Variants in TSPEAR observed in about 807,000 individuals in gnomAD.
TSPEAR encodes thrombospondin type laminin G domain and EAR repeats.
TSPEAR carries 69 observed loss-of-function variants against 71.6 expected under a neutral mutation model. That is an observed-to-expected ratio of 0.96 (90% CI 0.79 to 1.18). TSPEAR has a LOEUF of 1.18. TSPEAR is among the 50% of genes most tolerant of loss of function. The probability of loss-of-function intolerance (pLI) is 0.00; values close to 1 mark genes in which losing one functional copy is unlikely to be tolerated. For missense variants in TSPEAR, 971 were observed against 894.9 expected (o/e 1.09, Z -1.09); for synonymous variants, 402 against 387.2 (o/e 1.04, Z -0.45).
At chr21:44,616,958 A>G (rs1433623997) in intron 1 of TSPEAR, among the ~76,000 whole-genome samples, 1 of 152,214 alleles carries the variant, frequency 6.6e-6, no homozygotes, top group Non-Finnish European at 1.5e-5. Flanking sequence ...GCCACAGCCT[A>G]GACACCCACC....
intron 9 of TSPEAR, among the ~76,000 whole-genome samples, chr21:44,512,013 G>C (rs1323200187): frequency 2.0e-5 from 3 of 152,206 alleles, no homozygotes; most frequent in Non-Finnish European, 2.9e-5. Flanking sequence ...TGGGGGCACA[G>C]AGGAAGAGGG....
intron 2 of TSPEAR, chr21:44,558,162 T>A: frequency 6.2e-7 from 1 of 1,609,718 alleles, no homozygotes; most frequent in Non-Finnish European, 8.5e-7. Context: ...GCAGCTGGGC[T>A]GGCAGGTGGA....
chr21:44,522,486 C>T lies in TSPEAR; in HGVS notation c.1337-374G>A, dbSNP rs587676637. Among the ~76,000 whole-genome samples the T allele has an allele frequency of 2.9e-4, 44 of 152,336 alleles. 1 individual carries two copies. Among genetic ancestry groups the T allele is most frequent in the African/African-American group, 9.6e-4 (40 of 41,580 alleles). On this transcript the variant is annotated intron_variant, in intron 8 of 11. Coordinates refer to ENST00000323084, the MANE Select transcript of TSPEAR (RefSeq NM_144991.3). Reference sequence around the variant, plus strand: ...CTTCCCACGCACTGCCACCTCTGCCCGGAGGCCCCTCCCTCTCAACTGTGG... The same window carrying T: ...CTTCCCACGCACTGCCACCTCTGCCTGGAGGCCCCTCCCTCTCAACTGTGG...
At chr21:44,578,245 CAAAT>C (rs143475476) in intron 1 of TSPEAR, among the ~76,000 whole-genome samples, 2,671 of 152,068 alleles carry the variant, frequency 0.018, 72 homozygotes, top group African/African-American at 0.06. Context: ...GGAAACCAAA[CAAAT>C]AATGCAAACA....
chr21:44,499,910 G>A lies in TSPEAR; in HGVS notation c.1883C>T (p.Ala628Val), dbSNP rs781833267. Residue 628 changes from alanine to valine, a missense_variant, in exon 12 of 12, where the codon GCG (alanine) becomes GTG (valine). Ala to Val is a moderately conservative substitution (Grantham distance 64, BLOSUM62 0). Transcript: ENST00000323084. ...YRWQGYEGFV[A>V]VHSLPTVGCR... ...GCCGACGGTGGGGAGGCTGTGCACC[G>A]CCACGAAGCCCTCGTAGCCCTGCCA... 34 of 1,607,582 alleles carry A rather than the reference G, an allele frequency of 2.1e-5. No individual in the cohort carries two copies. The highest frequency in any genetic ancestry group is 4.5e-5 in the East Asian group (2 of 44,458).
rs143770464 is a variant in TSPEAR, at chr21:44,562,435, C to T, written c.303+5350G>A. 2.1e-4 allele frequency among the ~76,000 whole-genome samples: 32 copies of T among 152,272 alleles called. 3 individuals are homozygous for T. In the East Asian group the frequency reaches 6.0e-3, roughly 28 times the overall value. ...AGTAATTTATAGATTCAATGCTATT[C>T]CCATCAAACTACCACTGACATTCTT... On this transcript the variant is annotated intron_variant, in intron 2 of 11. Coordinates refer to ENST00000323084, the MANE Select transcript of TSPEAR (RefSeq NM_144991.3).
intron 9 of TSPEAR, among the ~76,000 whole-genome samples, chr21:44,512,710 C>T (rs781981193): frequency 1.3e-5 from 2 of 152,160 alleles, no homozygotes; most frequent in African/African-American, 4.8e-5. Context: ...TGGCAGGGAG[C>T]AAACTTTGAG....
chr21:44,508,441 G>C lies in TSPEAR; in HGVS notation c.1754+758C>G, dbSNP rs905883519. On this transcript the variant is annotated intron_variant, in intron 10 of 11. Transcript: ENST00000323084. ...GGGAAAGCCGCCTGCTCCATCCCAG[G>C]ATGGGAATGGGCCAGATTCCAGCTC... The C allele has an allele frequency of 6.4e-5, 65 of 1,018,168 alleles. No individual in the cohort carries two copies. The African/African-American group carries it at 1.0e-3, about 16-fold the overall frequency. 63.1% of individuals were successfully genotyped at this position (1,018,168 alleles called of 1,614,324 possible). A position where few individuals can be genotyped will look rare whatever the true frequency, so the allele number is the denominator to read the frequency against.
chr21:44,672,174 T>G (rs587621644), intron 1 of TSPEAR, among the ~76,000 whole-genome samples: 44 of 152,166 alleles, frequency 2.9e-4, no homozygotes, highest in African/African-American at 1.1e-3. Flanking sequence ...AAAAGAAGAA[T>G]AAACAAAGCC....
intron 2 of TSPEAR, among the ~76,000 whole-genome samples, chr21:44,552,223 T>C (rs587671183): frequency 3.1e-4 from 47 of 151,880 alleles, no homozygotes; most frequent in Non-Finnish European, 2.5e-4. Context: ...GAGGTGGATG[T>C]GGAATGAGGG....
At chr21:44,682,831 C>G (rs145620607) in intron 1 of TSPEAR, among the ~76,000 whole-genome samples, 29 of 152,280 alleles carry the variant, frequency 1.9e-4, no homozygotes, top group Non-Finnish European at 3.4e-4. Flanking sequence ...GAGGAAGGGG[C>G]CAGCGCTCAA....
chr21:44,546,577 C>T lies in TSPEAR; in HGVS notation c.304-12654G>A, dbSNP rs1217731719. On this transcript the variant is annotated intron_variant, in intron 2 of 11. Coordinates refer to ENST00000323084, the MANE Select transcript of TSPEAR (RefSeq NM_144991.3). The surrounding 1 kb of genome is among the most constrained non-coding windows in gnomAD (Gnocchi z 4.4). ...TCTCCTGACCTCGTGATCCACCTGC[C>T]TTGGCCTCCCAAAGTGCTGGGATTA... Among the ~76,000 whole-genome samples, 1 of 152,240 alleles carries T rather than the reference C, an allele frequency of 6.6e-6. No homozygotes were observed. Among genetic ancestry groups the T allele is most frequent in the African/African-American group, 2.4e-5 (1 of 41,466 alleles).
Position 44,531,063 on chromosome 21 carries a change from T to G in TSPEAR, c.613A>C (p.Arg205=). 6.2e-7 allele frequency: 1 copy of G among 1,613,606 alleles called. No homozygotes were observed. Among genetic ancestry groups the G allele is most frequent in the South Asian group, 1.1e-5 (1 of 91,066 alleles). The change falls in exon 4 of 12, where the codon AGA becomes CGA. Residue 205 remains arginine, a synonymous_variant. Transcript: ENST00000323084. ...GARFFVGSRR[R]AKGLFMGLVR... is the part of the protein sequence containing the mutation. Reference sequence around the variant, plus strand: ...CTCGCCATGAACAGGCCTTTGGCTCTCCTCCGGCTGCCGACGAAGAATCGA... The same window carrying G: ...CTCGCCATGAACAGGCCTTTGGCTCGCCTCCGGCTGCCGACGAAGAATCGA...
intron 2 of TSPEAR, chr21:44,557,881 G>A (rs1408018165): frequency 1.7e-5 from 13 of 778,300 alleles, no homozygotes; most frequent in Non-Finnish European, 2.7e-5. Flanking sequence ...TGGAGATGAG[G>A]GTGTGGGAGA....
chr21:44,648,819 G>A (rs587736759), intron 1 of TSPEAR, among the ~76,000 whole-genome samples: 2 of 152,354 alleles, frequency 1.3e-5, no homozygotes, highest in East Asian at 3.9e-4. Flanking sequence ...TGTGGCAGCT[G>A]ACATGCAGGT....
chr21:44,537,872 G>A (rs375975422), intron 2 of TSPEAR, among the ~76,000 whole-genome samples: 18 of 152,322 alleles, frequency 1.2e-4, no homozygotes, highest in African/African-American at 4.3e-4. Flanking sequence ...CAGTGTGGAC[G>A]GCCATGCATT....
chr21:44,674,782 G>A (rs1222595966), intron 1 of TSPEAR, among the ~76,000 whole-genome samples: 3 of 120,864 alleles, frequency 2.5e-5, no homozygotes, highest in African/African-American at 1.0e-4. Context: ...GTGTGTGTGT[G>A]TGTATAACAT....
chr21:44,658,006 C>G, intron 1 of TSPEAR: 1 of 1,613,772 alleles, frequency 6.2e-7, no homozygotes, highest in South Asian at 1.1e-5. Context: ...GCTCCCCAGC[C>G]TGCCAGCCAA....
intron 2 of TSPEAR, among the ~76,000 whole-genome samples, chr21:44,555,388 G>A (rs369679558): frequency 3.5e-4 from 50 of 142,006 alleles, no homozygotes; most frequent in Middle Eastern, 7.1e-3. Flanking sequence ...AAGGGGTGAC[G>A]GCACACAGCC....
Sources: allele counts gnomAD v4.1 joint callset (sites outside exome capture counted in the v4.1 genomes callset), GRCh38; gene constraint gnomAD v4.1.1; non-coding constraint Gnocchi (gnomAD v3.1); transcripts MANE v1.5; gene names NCBI Gene and HGNC (gene_info 2026-07-23, HGNC 2026-07-21).